Variants in AGAP1 observed in about 807,000 individuals in gnomAD.
AGAP1 encodes the protein arf-GAP with GTPase, ANK repeat and PH domain-containing protein 1.
Under a neutral mutation model 105.3 loss-of-function variants are expected in AGAP1, and 29 were observed. The ratio of observed to expected loss-of-function variants is 0.28; its 90% CI spans 0.21 to 0.38. AGAP1 has a LOEUF of 0.38. Ranked by LOEUF, AGAP1 falls within the 10% of genes least tolerant of loss-of-function variation. The pLI, the probability that AGAP1 is intolerant of heterozygous loss-of-function variation, is 1.00. For missense variants in AGAP1, 998 were observed against 1,165.1 expected (o/e 0.86, Z 2.09); for synonymous variants, 509 against 485.9 (o/e 1.05, Z -0.63).
rs1344566163 is a variant in AGAP1 at position 235,988,800 on chromosome 2, C to CGGG, written c.1645+20177_1645+20178insGGG. 6.6e-6 allele frequency among the ~76,000 whole-genome samples: 1 copy of CGGG among 152,082 alleles called. No individual in the cohort carries two copies. ...CATTCCCCTGCACCCACCCTTTTTT[C>CGGG]TGTGGTCAGCATGTGTTTCCCAGAC... On this transcript the variant is annotated intron_variant, in intron 13 of 17. Transcript: ENST00000304032. The surrounding 1 kb of genome is among the most constrained non-coding windows in gnomAD (Gnocchi z 4.7).
intron 16 of AGAP1, among the ~76,000 whole-genome samples, chr2:236,079,973 G>A (rs1171067189): frequency 6.6e-6 from 1 of 152,192 alleles, no homozygotes; most frequent in Non-Finnish European, 1.5e-5. Context: ...AGAAAAATCC[G>A]TTATTCACAG....
chr2:236,074,875 C>T (rs543908703), intron 16 of AGAP1, among the ~76,000 whole-genome samples: 8 of 152,164 alleles, frequency 5.3e-5, no homozygotes, highest in South Asian at 2.1e-4. Flanking sequence ...GACCGCATGG[C>T]AAAACCCCAT....
In AGAP1 at chr2:235,728,259, T is replaced by C. The variant is rs1328408028; in HGVS notation, c.310+10615T>C. Among the ~76,000 whole-genome samples, 1 of 151,708 alleles carries C rather than the reference T, an allele frequency of 6.6e-6. No homozygotes were observed. The highest frequency in any genetic ancestry group is 1.5e-5 in the Non-Finnish European group (1 of 68,022). ...AAGCTCCCCGCTCCATTTCATGTGCTACTGGCTGGCTGTGAGATCTGAAAA... is the reference window on the plus strand; with the variant it reads ...AAGCTCCCCGCTCCATTTCATGTGCCACTGGCTGGCTGTGAGATCTGAAAA... On this transcript the variant is annotated intron_variant, in intron 3 of 17. Transcript: ENST00000304032. The surrounding 1 kb of genome is among the most constrained non-coding windows in gnomAD (Gnocchi z 4.3).
intron 16 of AGAP1, among the ~76,000 whole-genome samples, chr2:236,093,585 T>C (rs2059118149): frequency 6.6e-6 from 1 of 152,214 alleles, no homozygotes; most frequent in African/African-American, 2.4e-5. Context: ...TGGAAGGGAC[T>C]CTCACATGGG....
intron 16 of AGAP1, among the ~76,000 whole-genome samples, chr2:236,115,586 G>T (rs772435820): frequency 1.3e-5 from 2 of 152,160 alleles, no homozygotes; most frequent in Non-Finnish European, 2.9e-5. Context: ...GCAGGTGGCT[G>T]ACATGCATTA....
chr2:235,544,341 G>A (rs980712556), intron 1 of AGAP1, among the ~76,000 whole-genome samples: 3 of 152,160 alleles, frequency 2.0e-5, no homozygotes, highest in South Asian at 2.1e-4. Context: ...GCCTCCTGCC[G>A]TTGCTTACGA....
Position 235,943,225 on chromosome 2 carries a change from A to C in AGAP1, c.1483+12302A>C, listed in dbSNP as rs183395248. On this transcript the variant is annotated intron_variant, in intron 12 of 17. Transcript: ENST00000304032. ...AACCTAGGAACCCAACAGGTTAAGA[A>C]CCGTCAATCATACTGCCTCCCTGGT... 2.6e-3 allele frequency among the ~76,000 whole-genome samples: 399 copies of C among 152,328 alleles called. 5 individuals carry two copies. The highest frequency in any genetic ancestry group is 1.8e-4 in the Non-Finnish European group (12 of 68,030).
Position 235,554,361 on chromosome 2 carries a change from G to A in AGAP1, c.163+59512G>A, listed in dbSNP as rs116624766. Among the ~76,000 whole-genome samples, 412 of 152,324 alleles carry A rather than the reference G, an allele frequency of 2.7e-3. 3 individuals carry two copies. Among genetic ancestry groups the A allele is most frequent in the African/African-American group, 9.7e-3 (404 of 41,572 alleles). ...CATTTGTTTTGAGGTCCCTCCCAGG[G>A]CCCAGGGGTGAGCTCTTGACAACCC... On this transcript the variant is annotated intron_variant, in intron 1 of 17. Transcript: ENST00000304032.
intron 11 of AGAP1, among the ~76,000 whole-genome samples, chr2:235,928,764 AGAG>A (rs145979973): frequency 0.033 from 5,033 of 152,244 alleles, 291 homozygotes; most frequent in African/African-American, 0.12. Context: ...CACAATACCC[AGAG>A]GACAGCCACA....
At chr2:235,604,929 G>T (rs909454437) in intron 1 of AGAP1, among the ~76,000 whole-genome samples, 14 of 151,910 alleles carry the variant, frequency 9.2e-5, no homozygotes, top group Non-Finnish European at 1.5e-4. Context: ...CCCCCGGGCT[G>T]GAGGGCAGTG....
Position 236,014,745 on chromosome 2 carries a change from T to C in AGAP1, c.1646-21816T>C. The C allele has an allele frequency of 2.5e-6, 1 of 402,478 alleles. No individual in the cohort carries two copies. The highest frequency in any genetic ancestry group is 1.9e-5 in the South Asian group (1 of 53,380). The allele number at this position is 402,478 out of a possible 1,614,324, so 24.9% of individuals were successfully genotyped here. A position where few individuals can be genotyped will look rare whatever the true frequency, so the allele number is the denominator to read the frequency against. ...TTTTTTTCTCCCCTTTTCATTTGTTTTCTTTTCCTTTTTGTTTTCTCTCTT... is the reference window on the plus strand; with the variant it reads ...TTTTTTTCTCCCCTTTTCATTTGTTCTCTTTTCCTTTTTGTTTTCTCTCTT... On this transcript the variant is annotated intron_variant, in intron 13 of 17. Transcript: ENST00000304032. The surrounding 1 kb of genome is among the most constrained non-coding windows in gnomAD (Gnocchi z 6.3).
At chr2:235,984,702 G>T (rs1156838769) in intron 13 of AGAP1, among the ~76,000 whole-genome samples, 1 of 152,044 alleles carries the variant, frequency 6.6e-6, no homozygotes, top group African/African-American at 2.4e-5. Context: ...AACCTATGGT[G>T]TTTGACTTTC....
In AGAP1 at chr2:235,866,072, CG is replaced by C. The variant is rs1351146323; in HGVS notation, c.1051-17272del. On this transcript the variant is annotated intron_variant, in intron 9 of 17. Transcript: ENST00000304032. The surrounding 1 kb of genome is among the most constrained non-coding windows in gnomAD (Gnocchi z 6.1). ...CTTGATTTTTTTCTGCTAAACCCTA[CG>C]TCTTGCAGTATATGGGTCACTCATC... Among the ~76,000 whole-genome samples the C allele has an allele frequency of 6.6e-6, 1 of 152,176 alleles. No homozygotes were observed. The highest frequency in any genetic ancestry group is 2.4e-5 in the African/African-American group (1 of 41,442).
intron 16 of AGAP1, chr2:236,049,907 A>G (rs1576171597): frequency 6.6e-6 from 1 of 152,324 alleles, no homozygotes; most frequent in South Asian, 2.1e-4. Context: ...TGCATATTTA[A>G]TGTTCCTAAG....
intron 16 of AGAP1, among the ~76,000 whole-genome samples, chr2:236,079,008 T>C (rs58471610): frequency 0.014 from 2,092 of 152,212 alleles, 36 homozygotes; most frequent in African/African-American, 0.047. Flanking sequence ...AGATACCTGA[T>C]GCCGGGGCTG....
chr2:236,020,252 C>T lies in AGAP1; in HGVS notation c.1646-16309C>T, dbSNP rs144054711. ...CCCTGCATTGCTCCTTGCCTAGGAC[C>T]AGTAAGCCCCAGTACTCAAGCACCC... is the stretch of plus-strand genomic sequence containing the variant. On this transcript the variant is annotated intron_variant, in intron 13 of 17. Transcript: ENST00000304032. The surrounding 1 kb of genome is among the most constrained non-coding windows in gnomAD (Gnocchi z 5.0). Among the ~76,000 whole-genome samples the T allele has an allele frequency of 6.6e-6, 1 of 152,304 alleles. No homozygotes were observed. Among genetic ancestry groups the T allele is most frequent in the Non-Finnish European group, 1.5e-5 (1 of 68,034 alleles).
chr2:235,606,966 AAAG>A (rs1945962032), intron 1 of AGAP1, among the ~76,000 whole-genome samples: 1 of 151,792 alleles, frequency 6.6e-6, no homozygotes, highest in Non-Finnish European at 1.5e-5. Flanking sequence ...AAAAAAAAAA[AAAG>A]CACTGCTTAC....
At chr2:235,683,896 G>C (rs895153719) in intron 1 of AGAP1, among the ~76,000 whole-genome samples, 1 of 148,278 alleles carries the variant, frequency 6.7e-6, no homozygotes, top group African/African-American at 2.5e-5. Flanking sequence ...CCCGCCCTGT[G>C]TCCATGTCTT....
rs1955949524 is a variant in AGAP1 at position 235,777,261 on chromosome 2, A to G, written c.674-20498A>G. Among the ~76,000 whole-genome samples, 1 of 152,142 alleles carries G rather than the reference A, an allele frequency of 6.6e-6. No homozygotes were observed. The highest frequency in any genetic ancestry group is 2.4e-5 in the African/African-American group (1 of 41,424). ...GCTACTCGGGAGTCTGAGGCAGGAGAATCACTTGAGCCTGGGAGGCGGAGG... is the reference window on the plus strand; with the variant it reads ...GCTACTCGGGAGTCTGAGGCAGGAGGATCACTTGAGCCTGGGAGGCGGAGG... On this transcript the variant is annotated intron_variant, in intron 6 of 17. Coordinates refer to ENST00000304032, the MANE Select transcript of AGAP1 (RefSeq NM_001037131.3). The surrounding 1 kb of genome is among the most constrained non-coding windows in gnomAD (Gnocchi z 5.1).
Sources: gnomAD v4.1 joint callset for allele counts (sites outside exome capture counted in the v4.1 genomes callset) on GRCh38, gnomAD v4.1.1 for gene constraint, Gnocchi (gnomAD v3.1) non-coding constraint, MANE v1.5 for transcripts, NCBI Gene and HGNC (gene_info 2026-07-23, HGNC 2026-07-21) for gene names.